The following IL20RB variants were observed in gnomAD, a reference collection of about 807,000 sequenced individuals.
IL20RB encodes the protein interleukin-20 receptor subunit beta.
IL20RB carries 21 observed loss-of-function variants against 33.3 expected under a neutral mutation model. That is an observed-to-expected ratio of 0.63 (90% confidence interval 0.45 to 0.91). The LOEUF is 0.91. IL20RB is among the 40% of genes least tolerant of loss of function. The probability of loss-of-function intolerance (pLI) is 0.00; values close to 1 mark genes in which losing one functional copy is unlikely to be tolerated. For synonymous variants in IL20RB, 147 were observed against 146.8 expected (o/e 1.00, Z -0.01); for missense variants, 345 against 384.8 (o/e 0.90, Z 0.86).
chr3:136,986,087 C>T (rs1440428405), intron 3 of IL20RB, among the ~76,000 whole-genome samples: 8 of 152,120 alleles, frequency 5.3e-5, no homozygotes, highest in Non-Finnish European at 1.0e-4. Flanking sequence ...AACCCCGTCG[C>T]CTGTAGTCCC....
intron 5 of IL20RB, among the ~76,000 whole-genome samples, chr3:136,992,714 T>A (rs1011605082): frequency 7.9e-5 from 12 of 152,050 alleles, no homozygotes; most frequent in Admixed American, 7.9e-4. Context: ...AAAAGACGAA[T>A]TATTATCTTA....
intron 5 of IL20RB, among the ~76,000 whole-genome samples, chr3:136,992,447 A>G (rs746511303): frequency 2.0e-5 from 3 of 152,214 alleles, no homozygotes; most frequent in Non-Finnish European, 4.4e-5. Flanking sequence ...CAGACCTTGG[A>G]AGGAGGTGCT....
chr3:136,994,525 C>T (rs1422700655), intron 5 of IL20RB, among the ~76,000 whole-genome samples: 1 of 152,164 alleles, frequency 6.6e-6, no homozygotes, highest in African/African-American at 2.4e-5. Flanking sequence ...AAACAATGTA[C>T]AGTGCCCCCA....
At chr3:136,962,030 C>T (rs968587184) in intron 1 of IL20RB, among the ~76,000 whole-genome samples, 1 of 152,022 alleles carries the variant, frequency 6.6e-6, no homozygotes, top group East Asian at 1.9e-4. Context: ...TGAGTCCATA[C>T]CACTAAAAAT....
In IL20RB at chr3:136,986,440, C is replaced by A. The variant is rs993819396; in HGVS notation, c.407-3001C>A. 3.3e-5 allele frequency among the ~76,000 whole-genome samples: 5 copies of A among 152,122 alleles called. No homozygotes were observed. The East Asian group carries it at 7.7e-4, about 24-fold the overall frequency. ...CAATAAAGATGGAGATCAGAAGACC[C>A]AATTCTGATGACATCTGACAGAAAA... On this transcript the variant is annotated intron_variant, in intron 3 of 6. Transcript: ENST00000329582.
intron 5 of IL20RB, among the ~76,000 whole-genome samples, chr3:136,993,873 C>CA (rs1161253290): frequency 6.6e-6 from 1 of 151,878 alleles, no homozygotes; most frequent in East Asian, 1.9e-4. Context: ...ATTAGCCAGG[C>CA]ATGGTGGTGC....
chr3:136,997,015 A>AT (rs967864761), intron 6 of IL20RB, among the ~76,000 whole-genome samples: 28 of 150,180 alleles, frequency 1.9e-4, no homozygotes, highest in African/African-American at 3.9e-4. Context: ...CATCTTTGTC[A>AT]TTTTTTTTTG....
At chr3:136,980,365 A>G in intron 1 of IL20RB, 101 bp from the exon 2 acceptor site, 1 of 1,431,424 alleles carries the variant, frequency 7.0e-7, no homozygotes, top group Non-Finnish European at 9.8e-7. Context: ...AGCTTACTGC[A>G]ACCTCCGCCA....
chr3:136,961,011 G>T (rs1015875982), intron 1 of IL20RB, among the ~76,000 whole-genome samples: 1 of 152,180 alleles, frequency 6.6e-6, no homozygotes, highest in South Asian at 2.1e-4. Flanking sequence ...GGGCTTTTTG[G>T]TGGGTAGCCT....
intron 6 of IL20RB, among the ~76,000 whole-genome samples, chr3:136,996,704 T>C (rs1942136983): frequency 6.6e-6 from 1 of 152,222 alleles, no homozygotes; most frequent in South Asian, 2.1e-4. Context: ...CAGAGCTAAG[T>C]GCCAGATACT....
chr3:137,003,568 G>T (rs183173775), intron 6 of IL20RB, among the ~76,000 whole-genome samples: 7 of 152,228 alleles, frequency 4.6e-5, no homozygotes, highest in Non-Finnish European at 4.4e-5. Context: ...TTGGCTCTCT[G>T]TCTGTTAACG....
intron 1 of IL20RB, among the ~76,000 whole-genome samples, chr3:136,979,177 G>A (rs1454590136): frequency 6.6e-6 from 1 of 152,116 alleles, no homozygotes; most frequent in Admixed American, 6.5e-5. Flanking sequence ...GGTGGGTGGG[G>A]GTCAGGAAGA....
intron 3 of IL20RB, among the ~76,000 whole-genome samples, chr3:136,985,332 T>G (rs931184070): frequency 6.8e-5 from 9 of 132,684 alleles, no homozygotes; most frequent in Non-Finnish European, 1.4e-4. Context: ...TGTCTCTCTC[T>G]CTCTCTTTTT....
rs757409553 is a variant in IL20RB at position 137,010,360 on chromosome 3, A to G, written c.*137A>G. Reference sequence around the variant, plus strand: ...GGAAGAGCCTGTTGTCTACAAGTCTAGAAGCAACCATCAGAGGCAGGGTGG... The same window carrying G: ...GGAAGAGCCTGTTGTCTACAAGTCTGGAAGCAACCATCAGAGGCAGGGTGG... On this transcript the variant is annotated 3_prime_UTR_variant, in exon 7 of 7. Coordinates refer to ENST00000329582, the MANE Select transcript of IL20RB (RefSeq NM_144717.4). The G allele has an allele frequency of 1.7e-6, 1 of 604,538 alleles. No homozygotes were observed. Among genetic ancestry groups the G allele is most frequent in the South Asian group, 2.1e-5 (1 of 47,782 alleles). The allele number at this position is 604,538 out of a possible 1,614,324, so 37.4% of individuals were successfully genotyped here.
At position 136,995,430 on chromosome 3, in the gene IL20RB, G is replaced by T; in HGVS notation, c.699G>T (p.Leu233=). The T allele has an allele frequency of 5.0e-6, 8 of 1,614,090 alleles. No individual in the cohort carries two copies. The highest frequency in any genetic ancestry group is 6.8e-6 in the Non-Finnish European group (8 of 1,180,016). ...TGTTTCCAGGAGAGGCCATTCCCCT[G>T]GTACTGGCCCTGTTTGCCTTTGTTG... ...CVEVQGEAIP[L]VLALFAFVGF... The change falls in exon 6 of 7, where the codon CTG becomes CTT. Residue 233 remains leucine (L), a synonymous_variant. Coordinates refer to ENST00000329582, the MANE Select transcript of IL20RB (RefSeq NM_144717.4).
chr3:136,966,092 G>T (rs1277203172), intron 1 of IL20RB, among the ~76,000 whole-genome samples: 7 of 133,670 alleles, frequency 5.2e-5, no homozygotes, highest in East Asian at 5.1e-4. Context: ...GCTGGATTCG[G>T]TTTGCCAGTA....
intron 6 of IL20RB, among the ~76,000 whole-genome samples, chr3:137,003,086 G>A (rs1942279065): frequency 6.6e-6 from 1 of 152,144 alleles, no homozygotes; most frequent in Admixed American, 6.5e-5. Context: ...TTGTAGATGT[G>A]TGGTGTTATA....
At chr3:136,997,217 T>G (rs1942148315) in intron 6 of IL20RB, among the ~76,000 whole-genome samples, 1 of 151,926 alleles carries the variant, frequency 6.6e-6, no homozygotes, top group Admixed American at 6.6e-5. Flanking sequence ...TCCTGCCTCC[T>G]GAGTAACTGG....
intron 1 of IL20RB, among the ~76,000 whole-genome samples, chr3:136,960,738 A>G (rs961714003): frequency 9.9e-5 from 15 of 152,282 alleles, no homozygotes; most frequent in African/African-American, 3.4e-4. Context: ...GGATTTGATG[A>G]TGGTTTGGTC....
Sources: gnomAD v4.1 joint callset for allele counts (sites outside exome capture counted in the v4.1 genomes callset) on GRCh38, gnomAD v4.1.1 for gene constraint, MANE v1.5 for transcripts, NCBI Gene and HGNC (gene_info 2026-07-23, HGNC 2026-07-21) for gene names.